Variants in TRDN observed in about 807,000 individuals in gnomAD.
TRDN encodes triadin in skeletal muscle.
In TRDN, 161 loss-of-function variants were observed where a neutral mutation model predicts 149.7. That is an observed-to-expected ratio of 1.08 (90% CI 0.95 to 1.23). TRDN has a LOEUF of 1.23. Among genes scored for constraint, TRDN ranks in the 50% most tolerant of loss-of-function variants. The pLI is 0.00. For missense variants in TRDN, 896 were observed against 823.5 expected, an observed-to-expected ratio of 1.09 and a Z score of -1.08; for synonymous variants, 294 against 250.5, an observed-to-expected ratio of 1.17 and a Z score of -1.64.
At chr6:123,549,576 G>T (rs1240345091) in intron 2 of TRDN, among the ~76,000 whole-genome samples, 1 of 151,914 alleles carries the variant, frequency 6.6e-6, no homozygotes, top group Non-Finnish European at 1.5e-5. Flanking sequence ...CTACCTAAAG[G>T]TTAAGTACAT....
chr6:123,621,326 C>A (rs955307702), intron 1 of TRDN, among the ~76,000 whole-genome samples: 10 of 152,046 alleles, frequency 6.6e-5, no homozygotes, highest in Non-Finnish European at 1.0e-4. Context: ...AGGAGACACC[C>A]ACAAGGTCAC....
At chr6:123,258,736 G>A (rs987495973) in intron 35 of TRDN, among the ~76,000 whole-genome samples, 8 of 152,058 alleles carry the variant, frequency 5.3e-5, no homozygotes, top group Non-Finnish European at 1.2e-4. Flanking sequence ...TGTACCTCTG[G>A]TAGAATTCGT....
intron 20 of TRDN, among the ~76,000 whole-genome samples, chr6:123,364,526 A>G (rs999510581): frequency 1.3e-5 from 2 of 152,136 alleles, no homozygotes; most frequent in South Asian, 4.1e-4. Context: ...AGTCCCAGCT[A>G]CTCAGGAAGC....
chr6:123,558,532 T>A (rs1245398696), intron 2 of TRDN, among the ~76,000 whole-genome samples: 2 of 152,120 alleles, frequency 1.3e-5, no homozygotes, highest in African/African-American at 4.8e-5. Context: ...CTCTTTTTCA[T>A]CAAATATGAA....
chr6:123,333,306 T>C (rs1209602906), intron 22 of TRDN, among the ~76,000 whole-genome samples: 1 of 151,990 alleles, frequency 6.6e-6, no homozygotes, highest in East Asian at 1.9e-4. Context: ...TGTATGTTTG[T>C]GTGAGGGTTT....
intron 2 of TRDN, among the ~76,000 whole-genome samples, chr6:123,559,487 C>G (rs80261483): frequency 6.6e-6 from 1 of 152,078 alleles, no homozygotes; most frequent in Non-Finnish European, 1.5e-5. Context: ...GCCTCCTTTG[C>G]GTGCTCCTCT....
chr6:123,260,123 T>C (rs1310849488), intron 34 of TRDN, among the ~76,000 whole-genome samples: 1 of 151,956 alleles, frequency 6.6e-6, no homozygotes, highest in African/African-American at 2.4e-5. Flanking sequence ...CTTTTATGCT[T>C]TGAAGACAAG....
intron 12 of TRDN, among the ~76,000 whole-genome samples, chr6:123,414,129 T>G (rs572360876): frequency 6.6e-6 from 1 of 152,284 alleles, no homozygotes; most frequent in South Asian, 2.1e-4. Flanking sequence ...TAATTTTACA[T>G]GACTTCTTTA....
chr6:123,238,337 T>G (rs1393295881), intron 38 of TRDN, among the ~76,000 whole-genome samples: 1 of 152,188 alleles, frequency 6.6e-6, no homozygotes, highest in Non-Finnish European at 1.5e-5. Context: ...GTGTTGGAAT[T>G]TAGATGTTTT....
intron 24 of TRDN, among the ~76,000 whole-genome samples, chr6:123,306,599 T>C (rs893070430): frequency 6.6e-6 from 1 of 152,120 alleles, no homozygotes; most frequent in South Asian, 2.1e-4. Context: ...TATCTATAGC[T>C]TCCGAGATAA....
intron 19 of TRDN, among the ~76,000 whole-genome samples, chr6:123,368,222 T>C (rs952806197): frequency 9.9e-5 from 15 of 152,180 alleles, no homozygotes; most frequent in African/African-American, 2.9e-4. Flanking sequence ...TCATAGATTA[T>C]CTCCTTGCTT....
At chr6:123,222,361 G>T (rs1775180543) in intron 39 of TRDN, among the ~76,000 whole-genome samples, 3 of 151,610 alleles carry the variant, frequency 2.0e-5, no homozygotes, top group Non-Finnish European at 3.0e-5. Context: ...TATAAATGCA[G>T]ATTTTTAGGT....
intron 24 of TRDN, among the ~76,000 whole-genome samples, chr6:123,308,055 C>A (rs920232593): frequency 2.0e-5 from 3 of 151,910 alleles, no homozygotes; most frequent in Non-Finnish European, 4.4e-5. Context: ...TTTTTGCCAT[C>A]TTTATGTCCA....
rs1040030317 is a variant in TRDN at position 123,430,936 on chromosome 6, G to T, written c.1051+7127C>A. Among the ~76,000 whole-genome samples the T allele has an allele frequency of 3.9e-5, 6 of 152,232 alleles. No homozygotes were observed. The South Asian group carries it at 1.0e-3, about 26-fold the overall frequency. ...ACTCCATCTTACTTTCTCTAAAACA[G>T]ATTAGCTTCCAGAGCTAATATCATA... On this transcript the variant is annotated intron_variant, in intron 12 of 40. Coordinates refer to ENST00000334268, the MANE Select transcript of TRDN (RefSeq NM_006073.4).
At chr6:123,533,014 T>C (rs1583200721) in intron 4 of TRDN, among the ~76,000 whole-genome samples, 1 of 150,054 alleles carries the variant, frequency 6.7e-6, no homozygotes. Context: ...GTGAAGAAGA[T>C]TGGTGATTTG....
In TRDN at chr6:123,572,696, C is replaced by G. The variant is rs189960431; in HGVS notation, c.23-1564G>C. On this transcript the variant is annotated intron_variant, in intron 1 of 40. Transcript: ENST00000334268. ...ACTCTACCAATCCAAATATTTTTGCCAAAAGCAAAGTTAAAAAACATTTTT... is the reference window on the plus strand; with the variant it reads ...ACTCTACCAATCCAAATATTTTTGCGAAAAGCAAAGTTAAAAAACATTTTT... Among the ~76,000 whole-genome samples, 116 of 152,050 alleles carry G rather than the reference C, an allele frequency of 7.6e-4. 2 individuals carry two copies. In the East Asian group the frequency reaches 0.015, roughly 19 times the overall value.
intron 38 of TRDN, among the ~76,000 whole-genome samples, chr6:123,240,158 G>T (rs1426053858): frequency 6.6e-6 from 1 of 151,844 alleles, no homozygotes; most frequent in Non-Finnish European, 1.5e-5. Flanking sequence ...GAAATCAAGG[G>T]TTGGAATAGT....
intron 12 of TRDN, among the ~76,000 whole-genome samples, chr6:123,402,789 A>T (rs1028012170): frequency 6.6e-6 from 1 of 152,214 alleles, no homozygotes; most frequent in Non-Finnish European, 1.5e-5. Flanking sequence ...TGGAAAAAAA[A>T]TAAGCTAGAT....
At chr6:123,588,563 C>T (rs185885298) in intron 1 of TRDN, among the ~76,000 whole-genome samples, 1 of 152,142 alleles carries the variant, frequency 6.6e-6, no homozygotes, top group Admixed American at 6.6e-5. Context: ...AAATCCTGAT[C>T]ATCAATTTAC....
Sources: gnomAD v4.1 joint callset for allele counts (sites outside exome capture counted in the v4.1 genomes callset) on GRCh38, gnomAD v4.1.1 for gene constraint, MANE v1.5 for transcripts, NCBI Gene and HGNC (gene_info 2026-07-23, HGNC 2026-07-21) for gene names.